Variants in ZNF704 observed in about 807,000 individuals in gnomAD.
The protein encoded by ZNF704 is glucocorticoid induced gene 1.
In ZNF704, 10 loss-of-function variants were observed where a neutral mutation model predicts 44.7. The observed-to-expected ratio is 0.22, with a 90% CI of 0.14 to 0.38. ZNF704 has a LOEUF of 0.38. ZNF704 is among the 10% of genes least tolerant of loss of function. ZNF704 has a pLI of 1.00. For synonymous variants in ZNF704, 211 were observed against 207.6 expected, an observed-to-expected ratio of 1.02 and a Z score of -0.14; for missense variants, 390 against 545.5, an observed-to-expected ratio of 0.71 and a Z score of 2.84.
chr8:80,804,921 G>A (rs549425484), intron 2 of ZNF704, among the ~76,000 whole-genome samples: 1 of 152,110 alleles, frequency 6.6e-6, no homozygotes, highest in Non-Finnish European at 1.5e-5. Flanking sequence ...TAGATTGGTG[G>A]GGTGAGGGAC....
chr8:80,631,061 A>C lies in ZNF704; in HGVS notation c.*10305T>G, dbSNP rs531116078. On this transcript the variant is annotated 3_prime_UTR_variant, in exon 9 of 9. Coordinates refer to ENST00000327835, the MANE Select transcript of ZNF704 (RefSeq NM_001033723.3). ...AGGAGGTTCCCCGAACAGTCAGGAG[A>C]CTGTGAAAGGAGGGGCTTTGCTATC... 3.3e-5 allele frequency: 5 copies of C among 152,296 alleles called. No homozygotes were observed. In the East Asian group the frequency reaches 9.7e-4, roughly 29 times the overall value. The allele number at this position is 152,296 out of a possible 1,614,324, so 9.4% of individuals were successfully genotyped here.
chr8:80,836,659 C>T (rs1808588290), intron 1 of ZNF704, among the ~76,000 whole-genome samples: 3 of 152,094 alleles, frequency 2.0e-5, no homozygotes, highest in Admixed American at 2.0e-4. Flanking sequence ...GTGGTACGTG[C>T]CTTTAGTCCC....
chr8:80,834,588 G>A (rs369495858), intron 1 of ZNF704, among the ~76,000 whole-genome samples: 6 of 152,074 alleles, frequency 3.9e-5, no homozygotes, highest in Admixed American at 2.0e-4. Flanking sequence ...ATAGATATAC[G>A]TGTGCCATGG....
Position 80,665,004 on chromosome 8 carries a change from C to T in ZNF704, c.738G>A (p.Val246=), listed in dbSNP as rs1476128674. 6.2e-7 allele frequency: 1 copy of T among 1,614,250 alleles called. No homozygotes were observed. Among genetic ancestry groups the T allele is most frequent in the Non-Finnish European group, 8.5e-7 (1 of 1,180,040 alleles). The change falls in exon 6 of 9, where the codon GTG becomes GTA. Residue 246 remains valine (V), a synonymous_variant. Transcript: ENST00000327835. Reference sequence around the variant, plus strand: ...GGGCCAGGCTGCTCAGCCCGTCTGCCACTGAGTCTGTGTTGAGCTTGATCT... The same window carrying T: ...GGGCCAGGCTGCTCAGCCCGTCTGCTACTGAGTCTGTGTTGAGCTTGATCT... ...YTEIKLNTDS[V]ADGLSSLAPV... is the part of the protein sequence containing the mutation.
At chr8:80,840,317 G>A (rs769965896) in intron 1 of ZNF704, among the ~76,000 whole-genome samples, 3 of 152,190 alleles carry the variant, frequency 2.0e-5, no homozygotes, top group Non-Finnish European at 1.5e-5. Flanking sequence ...GTGCGTGTGT[G>A]TGTGTGTGCG....
chr8:80,812,010 C>G (rs1311128384), intron 2 of ZNF704: 2 of 152,422 alleles, frequency 1.3e-5, no homozygotes, highest in African/African-American at 4.8e-5. Context: ...TTGAATCATC[C>G]TGAAACCATA....
intron 1 of ZNF704, among the ~76,000 whole-genome samples, chr8:80,823,183 G>A (rs979547206): frequency 6.6e-6 from 1 of 152,186 alleles, no homozygotes; most frequent in Non-Finnish European, 1.5e-5. Flanking sequence ...AAGGGAAGCC[G>A]TGACAGATGG....
At chr8:80,800,138 TA>T (rs942312287) in intron 2 of ZNF704, among the ~76,000 whole-genome samples, 9 of 152,082 alleles carry the variant, frequency 5.9e-5, no homozygotes, top group African/African-American at 2.2e-4. Context: ...CGAAAAAGAA[TA>T]AACAAAACCT....
At chr8:80,656,506 G>A (rs1818019057) in intron 7 of ZNF704, among the ~76,000 whole-genome samples, 1 of 152,126 alleles carries the variant, frequency 6.6e-6, no homozygotes, top group Admixed American at 6.5e-5. Flanking sequence ...AATTAAGGAT[G>A]TTCTCTTTCC....
intron 2 of ZNF704, among the ~76,000 whole-genome samples, chr8:80,760,420 G>C (rs1447101263): frequency 6.6e-6 from 1 of 152,126 alleles, no homozygotes; most frequent in African/African-American, 2.4e-5. Flanking sequence ...CACTTTGGGA[G>C]GCTGAGGCGG....
intron 2 of ZNF704, among the ~76,000 whole-genome samples, chr8:80,693,577 G>C (rs565749199): frequency 2.0e-4 from 30 of 152,302 alleles, no homozygotes; most frequent in African/African-American, 7.2e-4. Flanking sequence ...CATCTAAGGT[G>C]ATCAGATGTT....
chr8:80,754,451 A>G (rs1394895645), intron 2 of ZNF704, among the ~76,000 whole-genome samples: 1 of 152,102 alleles, frequency 6.6e-6, no homozygotes, highest in Non-Finnish European at 1.5e-5. Context: ...TCTTTTGAAA[A>G]CCCTCCACAA....
chr8:80,859,760 T>C (rs1809027032), intron 1 of ZNF704, among the ~76,000 whole-genome samples: 1 of 152,158 alleles, frequency 6.6e-6, no homozygotes, highest in African/African-American at 2.4e-5. Context: ...CAGAATGACT[T>C]TGACTGTGCC....
chr8:80,704,556 A>T (rs1242150382), intron 2 of ZNF704, among the ~76,000 whole-genome samples: 1 of 152,148 alleles, frequency 6.6e-6, no homozygotes, highest in African/African-American at 2.4e-5. Context: ...CCAGGATTAG[A>T]GGGTTGGACT....
intron 2 of ZNF704, among the ~76,000 whole-genome samples, chr8:80,737,755 C>G (rs549308115): frequency 6.6e-6 from 1 of 152,168 alleles, no homozygotes; most frequent in East Asian, 1.9e-4. Context: ...CAGGGAGTTT[C>G]TATATACCCT....
At chr8:80,801,851 T>C (rs111968539) in intron 2 of ZNF704, among the ~76,000 whole-genome samples, 14,896 of 151,704 alleles carry the variant, frequency 0.098, 977 homozygotes, top group African/African-American at 0.19. Flanking sequence ...GATAGAGATA[T>C]TAAAAACTCC....
At chr8:80,693,995 G>C (rs1424865380) in intron 2 of ZNF704, among the ~76,000 whole-genome samples, 1 of 152,136 alleles carries the variant, frequency 6.6e-6, no homozygotes, top group African/African-American at 2.4e-5. Flanking sequence ...ACTAGGGTGG[G>C]GACAGTGGCA....
intron 1 of ZNF704, among the ~76,000 whole-genome samples, chr8:80,853,287 G>A (rs562212468): frequency 2.0e-5 from 3 of 152,332 alleles, no homozygotes; most frequent in Non-Finnish European, 4.4e-5. Context: ...AGGGCCGCTT[G>A]GGCCCAGGAG....
At chr8:80,750,273 T>C (rs1359183151) in intron 2 of ZNF704, among the ~76,000 whole-genome samples, 1 of 151,440 alleles carries the variant, frequency 6.6e-6, no homozygotes, top group Non-Finnish European at 1.5e-5. Flanking sequence ...AGGGGTGGGA[T>C]CTCCTCAAAC....
Sources: gnomAD v4.1 joint callset for allele counts (sites outside exome capture counted in the v4.1 genomes callset) on GRCh38, gnomAD v4.1.1 for gene constraint, MANE v1.5 for transcripts, NCBI Gene and HGNC (gene_info 2026-07-23, HGNC 2026-07-21) for gene names.